Variants in GALNT17 observed in about 807,000 individuals in gnomAD.
GALNT17 encodes the protein polypeptide N-acetylgalactosaminyltransferase 17.
Under a neutral mutation model 63.7 loss-of-function variants are expected in GALNT17, and 29 were observed. The observed-to-expected ratio is 0.46, with a 90% CI of 0.34 to 0.62. The LOEUF is 0.62. Ranked by LOEUF, GALNT17 falls within the 20% of genes least tolerant of loss-of-function variation. The probability of loss-of-function intolerance (pLI) is 0.01; values close to 1 mark genes in which losing one functional copy is unlikely to be tolerated. For missense variants in GALNT17, 603 were observed against 799.6 expected (o/e 0.75, Z 2.97); for synonymous variants, 305 against 318.3 (o/e 0.96, Z 0.45).
chr7:71,223,517 C>A (rs767171168), intron 1 of GALNT17, among the ~76,000 whole-genome samples: 1 of 151,658 alleles, frequency 6.6e-6, no homozygotes, highest in South Asian at 2.1e-4. Flanking sequence ...CCCATAATCC[C>A]AACTTTTTTT....
intron 2 of GALNT17, among the ~76,000 whole-genome samples, chr7:71,382,388 C>T (rs1281439679): frequency 6.6e-6 from 1 of 151,962 alleles, no homozygotes; most frequent in East Asian, 1.9e-4. Flanking sequence ...CTCAAAAACA[C>T]AAAAACAAAA....
intron 6 of GALNT17, among the ~76,000 whole-genome samples, chr7:71,621,498 G>T (rs1790289229): frequency 8.1e-6 from 1 of 123,586 alleles, no homozygotes; most frequent in South Asian, 3.3e-4. Flanking sequence ...TGGATTGATG[G>T]ATAGATGGAT....
chr7:71,698,214 G>A (rs1248460645), intron 9 of GALNT17, among the ~76,000 whole-genome samples: 1 of 151,868 alleles, frequency 6.6e-6, no homozygotes, highest in Non-Finnish European at 1.5e-5. Context: ...GACATTTTCA[G>A]ATAAACTAAA....
At chr7:71,211,406 G>T (rs1013906192) in intron 1 of GALNT17, among the ~76,000 whole-genome samples, 2 of 152,220 alleles carry the variant, frequency 1.3e-5, no homozygotes, top group Admixed American at 1.3e-4. Flanking sequence ...CCCCAGCCAT[G>T]TGGAACTGTA....
intron 6 of GALNT17, among the ~76,000 whole-genome samples, chr7:71,617,313 G>C (rs530502248): frequency 4.0e-5 from 6 of 149,548 alleles, no homozygotes; most frequent in East Asian, 1.9e-4. Flanking sequence ...GCAGGGGCGG[G>C]GGGGGTTGGT....
chr7:71,443,529 T>C (rs1456503731), intron 5 of GALNT17, among the ~76,000 whole-genome samples: 1 of 152,066 alleles, frequency 6.6e-6, no homozygotes, highest in African/African-American at 2.4e-5. Flanking sequence ...TAAAAGAGCA[T>C]GGCACTTTCC....
chr7:71,220,230 A>C (rs1585890680), intron 1 of GALNT17, among the ~76,000 whole-genome samples: 1 of 152,048 alleles, frequency 6.6e-6, no homozygotes, highest in Admixed American at 6.6e-5. Context: ...ATGTGGTTGA[A>C]CCCTGACTGG....
chr7:71,627,005 C>T (rs892010089), intron 6 of GALNT17, among the ~76,000 whole-genome samples: 1 of 152,096 alleles, frequency 6.6e-6, no homozygotes. Flanking sequence ...CTTGTGACCT[C>T]GGGGTAAAGG....
chr7:71,232,195 T>C (rs1789802831), intron 1 of GALNT17, among the ~76,000 whole-genome samples: 1 of 152,156 alleles, frequency 6.6e-6, no homozygotes, highest in Non-Finnish European at 1.5e-5. Context: ...GCAGTCCTTC[T>C]CTCTGAGGGG....
intron 10 of GALNT17, among the ~76,000 whole-genome samples, chr7:71,711,593 G>A (rs115994505): frequency 6.4e-4 from 92 of 143,668 alleles, no homozygotes; most frequent in African/African-American, 2.2e-3. Context: ...TCTCTGTCTT[G>A]TCTCTCCTCT....
In GALNT17 at chr7:71,594,358, C is replaced by T. The variant is rs549103936; in HGVS notation, c.1080+22956C>T. Among the ~76,000 whole-genome samples, 101 of 152,144 alleles carry T rather than the reference C, an allele frequency of 6.6e-4. 1 individual carries two copies. Among genetic ancestry groups the T allele is most frequent in the African/African-American group, 2.3e-3 (96 of 41,510 alleles). ...AGGCTGGAGTGCAGTGGCACAATCTCGGCTCACTGCAACCTCCGCCTCCCG... is the reference window on the plus strand; with the variant it reads ...AGGCTGGAGTGCAGTGGCACAATCTTGGCTCACTGCAACCTCCGCCTCCCG... On this transcript the variant is annotated intron_variant, in intron 6 of 10. Transcript: ENST00000333538.
Position 71,465,394 on chromosome 7 carries a change from C to T in GALNT17, c.962+44289C>T, listed in dbSNP as rs569496584. Among the ~76,000 whole-genome samples, 6 of 152,296 alleles carry T rather than the reference C, an allele frequency of 3.9e-5. No homozygotes were observed. In the South Asian group the frequency reaches 1.2e-3, roughly 32 times the overall value. On this transcript the variant is annotated intron_variant, in intron 5 of 10. Transcript: ENST00000333538. ...GGGGGTGTCAGAGGCAAAATAGAGT[C>T]AGTCATGCTAAGCTCCCCTCCACTG...
At chr7:71,133,261 T>G (rs1413348069) in intron 1 of GALNT17, among the ~76,000 whole-genome samples, 1 of 152,022 alleles carries the variant, frequency 6.6e-6, no homozygotes, top group Non-Finnish European at 1.5e-5. Context: ...GCAAATTTGG[T>G]TTTATCCTGG....
At chr7:71,449,752 G>T (rs73177404) in intron 5 of GALNT17, among the ~76,000 whole-genome samples, 23,185 of 151,666 alleles carry the variant, frequency 0.15, 1,835 homozygotes, top group Middle Eastern at 0.22. Flanking sequence ...TATATTAATC[G>T]ATTGTCTAAC....
intron 5 of GALNT17, among the ~76,000 whole-genome samples, chr7:71,447,542 T>G (rs1787182109): frequency 6.6e-6 from 1 of 152,126 alleles, no homozygotes; most frequent in Admixed American, 6.5e-5. Context: ...TCTCAAGTGT[T>G]TTGGTTAAGG....
At chr7:71,465,010 G>C (rs905179547) in intron 5 of GALNT17, among the ~76,000 whole-genome samples, 5 of 152,104 alleles carry the variant, frequency 3.3e-5, no homozygotes, top group African/African-American at 1.2e-4. Context: ...ATCTTAATAC[G>C]AACTTAAGTT....
At chr7:71,315,770 A>G (rs1472029849) in intron 1 of GALNT17, among the ~76,000 whole-genome samples, 3 of 152,038 alleles carry the variant, frequency 2.0e-5, no homozygotes, top group African/African-American at 7.3e-5. Context: ...GCAGGTGCAG[A>G]GTGCTGTGAA....
intron 3 of GALNT17, among the ~76,000 whole-genome samples, chr7:71,406,328 C>T (rs1275150299): frequency 1.3e-5 from 2 of 152,192 alleles, no homozygotes; most frequent in Admixed American, 1.3e-4. Flanking sequence ...CATTGGGCCC[C>T]TTACTTGCAC....
At chr7:71,481,051 C>G (rs950602433) in intron 5 of GALNT17, among the ~76,000 whole-genome samples, 15 of 152,192 alleles carry the variant, frequency 9.9e-5, no homozygotes, top group Admixed American at 9.8e-4. Context: ...AAGTCTGGTC[C>G]CTGGCTTTGC....
Sources: gnomAD v4.1 joint callset for allele counts (sites outside exome capture counted in the v4.1 genomes callset) on GRCh38, gnomAD v4.1.1 for gene constraint, MANE v1.5 for transcripts, NCBI Gene and HGNC (gene_info 2026-07-23, HGNC 2026-07-21) for gene names.